Variants in JOSD2 observed in about 807,000 individuals in gnomAD.
The protein encoded by JOSD2 is Josephin domain containing 2.
Under a neutral mutation model 19.3 loss-of-function variants are expected in JOSD2, and 20 were observed. The ratio of observed to expected loss-of-function variants is 1.04; its 90% confidence interval spans 0.73 to 1.51. JOSD2 has a LOEUF of 1.51. Ranked by LOEUF, JOSD2 falls within the 40% of genes most tolerant of loss-of-function variation. The pLI is 0.00. For missense variants in JOSD2, 215 were observed against 250.4 expected, an observed-to-expected ratio of 0.86 and a Z score of 0.95; for synonymous variants, 118 against 123.7, an observed-to-expected ratio of 0.95 and a Z score of 0.31.
intron 3 of JOSD2, 87 bp downstream of exon 3, chr19:50,507,487 A>C: frequency 2.7e-6 from 4 of 1,486,556 alleles, no homozygotes; most frequent in Admixed American, 2.1e-5. Flanking sequence ...CCCCAGCCAC[A>C]TTCCCCTCCC....
rs1979358154 is a variant in JOSD2, at chr19:50,506,550, G to C, written c.295C>G (p.Pro99Ala). The change falls in exon 4 of 5, where the codon CCC becomes GCC. Residue 99 changes from proline to alanine, a missense_variant. Transcript: ENST00000598418. Reference protein sequence around the residue: ...RRRPLSQLALPQVLGLILNLP... With the variant: ...RRRPLSQLALAQVLGLILNLP... ...TTCAGGATCAGCCCCAGTACCTGGG[G>C]CAGGGCCAGCTGGGACAGGGGCCTG... 1.3e-6 allele frequency: 2 copies of C among 1,544,390 alleles called. No homozygotes were observed. Among genetic ancestry groups the C allele is most frequent in the African/African-American group, 2.7e-5 (2 of 72,918 alleles).
intron 2 of JOSD2, among the ~76,000 whole-genome samples, chr19:50,509,897 C>A (rs1186616134): frequency 6.6e-6 from 1 of 151,398 alleles, no homozygotes; most frequent in East Asian, 1.9e-4. Context: ...ACTAAAAATA[C>A]AAAAAATTAG....
Position 50,511,117 on chromosome 19 carries a change from C to G in JOSD2, c.-18G>C. On this transcript the variant is annotated splice_region_variant and 5_prime_UTR_variant, in exon 1 of 5. Transcript: ENST00000598418. ...CCCTTTGCCTGGCAACGCCCCTCAC[C>G]CCGCCTGCCTCTCCGCTCCACCGAG... 2.2e-6 allele frequency: 1 copy of G among 452,836 alleles called. No homozygotes were observed. The highest frequency in any genetic ancestry group is 4.4e-6 in the Non-Finnish European group (1 of 225,282). 28.1% of individuals were successfully genotyped at this position (452,836 alleles called of 1,614,324 possible).
rs369208826 is a variant in JOSD2, at chr19:50,507,668, G to A, written c.178C>T (p.Arg60Cys). The change falls in exon 3 of 5, where the codon CGC (arginine) becomes TGC (cysteine). Residue 60 changes from arginine (R) to cysteine (C), a missense_variant. By Grantham distance (180) the Arg-to-Cys change is radical. Coordinates refer to ENST00000598418, the MANE Select transcript of JOSD2 (RefSeq NM_001270639.2). ...LAPDSRLNPHRSLLGTGNYDV... is the reference protein window; with the variant it reads ...LAPDSRLNPHCSLLGTGNYDV... Reference sequence around the variant, plus strand: ...TAGTTGCCGGTGCCCAGGAGGCTGCGATGAGGGTTCAGCCGGGAGTCTGGG... The same window carrying A: ...TAGTTGCCGGTGCCCAGGAGGCTGCAATGAGGGTTCAGCCGGGAGTCTGGG... 5.6e-6 allele frequency: 9 copies of A among 1,612,028 alleles called. No homozygotes were observed. The African/African-American group carries it at 1.1e-4, about 19-fold the overall frequency.
At chr19:50,508,359 T>G (rs912893541) in intron 2 of JOSD2, among the ~76,000 whole-genome samples, 2 of 152,088 alleles carry the variant, frequency 1.3e-5, no homozygotes, top group African/African-American at 4.8e-5. Flanking sequence ...TTAACACTGC[T>G]TGCTTCTCCC....
intron 1 of JOSD2, 40 bp from the exon 2 acceptor site, chr19:50,510,488 G>C: frequency 6.5e-7 from 1 of 1,533,880 alleles, no homozygotes; most frequent in Non-Finnish European, 8.8e-7. Flanking sequence ...AGGGGCCCGG[G>C]ATCTAGAGGT....
intron 4 of JOSD2, 23 bp downstream of exon 4, chr19:50,506,355 G>C: frequency 6.2e-7 from 1 of 1,604,194 alleles, no homozygotes; most frequent in Non-Finnish European, 8.5e-7. Flanking sequence ...CCCTGGTCTT[G>C]GAATCGCCTC....
intron 3 of JOSD2, 70 bp from the exon 4 acceptor site, chr19:50,506,642 GT>G (rs1979367128): frequency 7.2e-7 from 1 of 1,386,926 alleles, no homozygotes; most frequent in East Asian, 2.5e-5. Flanking sequence ...TGCTGAACAT[GT>G]GGGGCCCAGG....
At chr19:50,507,512 C>G in intron 3 of JOSD2, 62 bp downstream of exon 3, 1 of 1,527,690 alleles carries the variant, frequency 6.5e-7, no homozygotes, top group Non-Finnish European at 8.7e-7. Context: ...CCCCAACAGG[C>G]TCACACTATA....
chr19:50,507,426 C>T (rs1979441444), intron 3 of JOSD2, 148 bp downstream of exon 3: 1 of 1,101,354 alleles, frequency 9.1e-7, no homozygotes, highest in Non-Finnish European at 1.3e-6. Context: ...ACCACCTGAT[C>T]TCCCCCTTTC....
intron 2 of JOSD2, 157 bp from the exon 3 acceptor site, chr19:50,507,856 A>G (rs1979479843): frequency 4.5e-6 from 4 of 885,000 alleles, no homozygotes; most frequent in Admixed American, 5.3e-5. Flanking sequence ...TCCTGCCCCA[A>G]TTCTGCCCTG....
In JOSD2 at chr19:50,510,384, G is replaced by A. The variant is rs974006353; in HGVS notation, c.48C>T (p.His16=). 9 of 1,613,212 alleles carry A rather than the reference G, an allele frequency of 5.6e-6. No individual in the cohort carries two copies. The African/African-American group carries it at 1.1e-4, about 19-fold the overall frequency. Residue 16 remains histidine, a synonymous_variant, in exon 2 of 5, where the codon CAC becomes CAT. Transcript: ENST00000598418. ...CACACAGCTCCAGGCGCTGCCGTTC[G>A]TGGTACACGGTGGGTGGGCTCGGCT... ...GAQPSPPTVY[H]ERQRLELCAV... is the part of the protein sequence containing the mutation.
rs764677060 is a variant in JOSD2, at chr19:50,510,417, C to A, written c.15G>T (p.Pro5=). 31 of 1,609,964 alleles carry A rather than the reference C, an allele frequency of 1.9e-5. No individual in the cohort carries two copies. Among genetic ancestry groups the A allele is most frequent in the Non-Finnish European group, 2.5e-5 (30 of 1,178,088 alleles). The change falls in exon 2 of 5, where the codon CCG becomes CCT. Residue 5 remains proline, a synonymous_variant. Coordinates refer to ENST00000598418, the MANE Select transcript of JOSD2 (RefSeq NM_001270639.2). The part of the protein sequence containing the change: MSQA[P]GAQPSPPTVY... ...CGGTGGGTGGGCTCGGCTGTGCTCCCGGGGCCTGGGACATGCCGTCCTCGG... is the reference window on the plus strand; with the variant it reads ...CGGTGGGTGGGCTCGGCTGTGCTCCAGGGGCCTGGGACATGCCGTCCTCGG...
chr19:50,507,356 C>T (rs1979435995), intron 3 of JOSD2, among the ~76,000 whole-genome samples: 1 of 151,916 alleles, frequency 6.6e-6, no homozygotes, highest in Admixed American at 6.6e-5. Flanking sequence ...CCCAACACAT[C>T]CAACGGCCTA....
chr19:50,507,502 C>T (rs1979446889), intron 3 of JOSD2, 72 bp downstream of exon 3: 1 of 1,512,878 alleles, frequency 6.6e-7, no homozygotes, highest in Non-Finnish European at 8.8e-7. Context: ...CCTCCCTGCC[C>T]CCCAACAGGC....
At chr19:50,507,361 G>A (rs1007780361) in intron 3 of JOSD2, among the ~76,000 whole-genome samples, 3 of 151,406 alleles carry the variant, frequency 2.0e-5, no homozygotes, top group African/African-American at 7.3e-5. Context: ...CACATCCAAC[G>A]GCCTACTCAG....
In JOSD2 at chr19:50,506,408, G is replaced by C; in HGVS notation, c.437C>G (p.Pro146Arg). 6.2e-7 allele frequency: 1 copy of C among 1,605,904 alleles called. No homozygotes were observed. The highest frequency in any genetic ancestry group is 8.5e-7 in the Non-Finnish European group (1 of 1,176,908). Residue 146 changes from proline (P) to arginine (R), a missense_variant, in exon 4 of 5, where the codon CCC becomes CGC. Pro to Arg is a moderately radical substitution (Grantham distance 103). Coordinates refer to ENST00000598418, the MANE Select transcript of JOSD2 (RefSeq NM_001270639.2). Reference sequence around the variant, plus strand: ...TCCGTCCTCATCCCCCAGGGCCTCGGGCGCCCGCAGCTTGGAGTCCAGGTT... The same window carrying C: ...TCCGTCCTCATCCCCCAGGGCCTCGCGCGCCCGCAGCTTGGAGTCCAGGTT... Reference protein sequence around the residue: ...YYNLDSKLRAPEALGDEDGVR... With the variant: ...YYNLDSKLRAREALGDEDGVR...
chr19:50,506,327 G>T (rs779863768), intron 4 of JOSD2, 51 bp downstream of exon 4: 1 of 1,607,776 alleles, frequency 6.2e-7, no homozygotes, highest in South Asian at 1.1e-5. Context: ...ATTCCGTCTG[G>T]GGAGTGGGGT....
rs1979701175 is a variant in JOSD2 at position 50,510,280 on chromosome 19, G to GGTCACCTCTTGCAGATCTCA, written c.132_146+5dup. On this transcript the variant is annotated splice_donor_region_variant and intron_variant, in intron 2 of 4. Transcript: ENST00000598418. ...TGCTCCAGGGGCTGGGGTGGGTGAC[G>GGTCACCTCTTGCAGATCTCA]GTCACCTCTTGCAGATCTCATCGGC... The GGTCACCTCTTGCAGATCTCA allele has an allele frequency of 6.2e-7, 1 of 1,613,104 alleles. No homozygotes were observed. Among genetic ancestry groups the GGTCACCTCTTGCAGATCTCA allele is most frequent in the African/African-American group, 1.3e-5 (1 of 74,930 alleles).
Sources: allele counts gnomAD v4.1 joint callset (sites outside exome capture counted in the v4.1 genomes callset), GRCh38; gene constraint gnomAD v4.1.1; transcripts MANE v1.5; gene names NCBI Gene and HGNC (gene_info 2026-07-23, HGNC 2026-07-21).